DOCK3: variants seen among roughly 807,000 people sequenced by gnomAD.
DOCK3 encodes the protein dedicator of cytokinesis protein 3.
DOCK3 carries 60 observed loss-of-function variants against 265.6 expected under a neutral mutation model. That is an observed-to-expected ratio of 0.23 (90% CI 0.18 to 0.28). The LOEUF (loss-of-function observed/expected upper bound fraction) is 0.28, where lower values mean the gene tolerates loss of function less well. Ranked by LOEUF, DOCK3 falls within the 10% of genes least tolerant of loss-of-function variation. The pLI is 1.00. For missense variants in DOCK3, 1,981 were observed against 2,594.3 expected (o/e 0.76, Z 5.14); for synonymous variants, 881 against 938.0 (o/e 0.94, Z 1.11).
intron 5 of DOCK3, among the ~76,000 whole-genome samples, chr3:50,955,278 A>G (rs2076699305): frequency 1.3e-5 from 2 of 152,218 alleles, no homozygotes; most frequent in South Asian, 4.1e-4. Flanking sequence ...CAGTGTGGCA[A>G]TTCCTCGAAG....
At chr3:50,971,827 G>A (rs2077244800) in intron 5 of DOCK3, among the ~76,000 whole-genome samples, 1 of 152,186 alleles carries the variant, frequency 6.6e-6, no homozygotes, top group Non-Finnish European at 1.5e-5. Flanking sequence ...GAACCCCCAT[G>A]CTTACTCTCA....
chr3:51,040,614 T>C (rs1429129095), intron 5 of DOCK3, among the ~76,000 whole-genome samples: 1 of 152,194 alleles, frequency 6.6e-6, no homozygotes, highest in African/African-American at 2.4e-5. Flanking sequence ...GTTCCTTTCA[T>C]GAAAGATTTC....
chr3:50,748,163 T>A (rs2039571735), intron 1 of DOCK3, among the ~76,000 whole-genome samples: 1 of 152,176 alleles, frequency 6.6e-6, no homozygotes. Flanking sequence ...AAGTAGACAT[T>A]CTTTATTGTT....
At chr3:51,144,947 T>C (rs1282432352) in intron 9 of DOCK3, among the ~76,000 whole-genome samples, 1 of 152,166 alleles carries the variant, frequency 6.6e-6, no homozygotes, top group Non-Finnish European at 1.5e-5. Flanking sequence ...GTAGTAAATC[T>C]TCGGATAAAG....
intron 31 of DOCK3, among the ~76,000 whole-genome samples, chr3:51,314,270 AC>A (rs2083246524): frequency 6.6e-6 from 1 of 152,194 alleles, no homozygotes; most frequent in Admixed American, 6.5e-5. Context: ...TCACACACTT[AC>A]CATGGAAATG....
At chr3:50,792,263 T>C (rs892115727) in intron 2 of DOCK3, among the ~76,000 whole-genome samples, 42 of 152,118 alleles carry the variant, frequency 2.8e-4, no homozygotes, top group Admixed American at 2.7e-3. Flanking sequence ...AAGTTGGCTG[T>C]TGTTGGTGTA....
At chr3:50,761,262 C>T (rs545979242) in intron 1 of DOCK3, among the ~76,000 whole-genome samples, 15 of 152,164 alleles carry the variant, frequency 9.9e-5, no homozygotes, top group East Asian at 1.9e-4. Flanking sequence ...ACACATGGTA[C>T]GTCATTTTAT....
chr3:50,842,740 G>C (rs1421059736), intron 3 of DOCK3, among the ~76,000 whole-genome samples: 1 of 152,062 alleles, frequency 6.6e-6, no homozygotes, highest in African/African-American at 2.4e-5. Flanking sequence ...CTGCTTATAG[G>C]TAATTTTTCT....
Position 51,362,694 on chromosome 3 carries a change from A to C in DOCK3, c.5293+20A>C, listed in dbSNP as rs373854897. On this transcript the variant is annotated intron_variant, in intron 49 of 52. Coordinates refer to ENST00000266037, the MANE Select transcript of DOCK3 (RefSeq NM_004947.5). Reference sequence around the variant, plus strand: ...CCCGAGGTAAGGATGGCAGGGTGCTACTTGCAGAATGGAGAAGAGAGGTCT... The same window carrying C: ...CCCGAGGTAAGGATGGCAGGGTGCTCCTTGCAGAATGGAGAAGAGAGGTCT... The C allele has an allele frequency of 7.5e-6, 12 of 1,610,542 alleles. No homozygotes were observed. The highest frequency in any genetic ancestry group is 6.7e-5 in the Admixed American group (4 of 59,396).
At chr3:50,695,858 C>T (rs1198071709) in intron 1 of DOCK3, among the ~76,000 whole-genome samples, 1 of 152,200 alleles carries the variant, frequency 6.6e-6, no homozygotes, top group African/African-American at 2.4e-5. Flanking sequence ...AAGAATGATT[C>T]ACAAATTGGG....
At chr3:50,992,877 A>G (rs577501605) in intron 5 of DOCK3, among the ~76,000 whole-genome samples, 1 of 152,302 alleles carries the variant, frequency 6.6e-6, no homozygotes, top group South Asian at 2.1e-4. Context: ...TCCAAAATTG[A>G]ATCAGTAATA....
chr3:50,863,651 C>T (rs1050444262), intron 3 of DOCK3, among the ~76,000 whole-genome samples: 5 of 152,118 alleles, frequency 3.3e-5, no homozygotes, highest in Admixed American at 2.0e-4. Context: ...TCACCAGTAA[C>T]TTTGGTCTTC....
chr3:51,348,953 T>G lies in DOCK3; in HGVS notation c.4002+15T>G. On this transcript the variant is annotated intron_variant, in intron 39 of 52. Coordinates refer to ENST00000266037, the MANE Select transcript of DOCK3 (RefSeq NM_004947.5). ...GCTGGATTCGGGTGAGCTGTGCCCC[T>G]CCCCCCACCCCAGCCCTGACTGGCA... 2.4e-6 allele frequency: 2 copies of G among 835,202 alleles called. No individual in the cohort carries two copies. Among genetic ancestry groups the G allele is most frequent in the African/African-American group, 4.3e-5 (2 of 46,722 alleles). The allele number at this position is 835,202 out of a possible 1,614,324, so 51.7% of individuals were successfully genotyped here.
intron 2 of DOCK3, among the ~76,000 whole-genome samples, chr3:50,794,055 C>T (rs529560653): frequency 6.6e-6 from 1 of 152,174 alleles, no homozygotes; most frequent in Non-Finnish European, 1.5e-5. Context: ...AGTGAATTTC[C>T]TGGTGTTGAT....
chr3:51,280,136 C>T lies in DOCK3; in HGVS notation c.2854C>T (p.Leu952Phe). 1 of 1,613,864 alleles carries T rather than the reference C, an allele frequency of 6.2e-7. No homozygotes were observed. Among genetic ancestry groups the T allele is most frequent in the Non-Finnish European group, 8.5e-7 (1 of 1,179,864 alleles). The change falls in exon 27 of 53, where the codon CTC (leucine) becomes TTC (phenylalanine). Residue 952 changes from leucine (L) to phenylalanine (F), a missense_variant. By Grantham distance (22) the Leu-to-Phe change is conservative. Transcript: ENST00000266037. Reference sequence around the variant, plus strand: ...GTATGTGTCCTGCCTTCTCTCACTGCTCCGCCAGATGTGTGACACCCATTT... The same window carrying T: ...GTATGTGTCCTGCCTTCTCTCACTGTTCCGCCAGATGTGTGACACCCATTT... Reference protein sequence around the residue: ...GEYVSCLLSLLRQMCDTHFQH... With the variant: ...GEYVSCLLSLFRQMCDTHFQH...
chr3:51,248,597 C>G (rs2078957439), intron 22 of DOCK3, among the ~76,000 whole-genome samples: 1 of 152,162 alleles, frequency 6.6e-6, no homozygotes, highest in Admixed American at 6.5e-5. Context: ...GAGATTGCAG[C>G]CTCTGCCCGG....
At chr3:50,935,490 G>A (rs1242576869) in intron 5 of DOCK3, among the ~76,000 whole-genome samples, 5 of 152,154 alleles carry the variant, frequency 3.3e-5, no homozygotes, top group Non-Finnish European at 7.4e-5. Context: ...GGAATATGAA[G>A]TAAGGAGGAG....
chr3:51,336,772 C>T (rs2084904585), intron 35 of DOCK3: 1 of 424,864 alleles, frequency 2.4e-6, no homozygotes, highest in Non-Finnish European at 4.8e-6. Flanking sequence ...GAGGCCAGTT[C>T]CTTTCTGTTT....
At position 51,357,994 on chromosome 3, in the gene DOCK3, G is replaced by A. The variant is rs1402275721; in HGVS notation, c.4801G>A (p.Glu1601Lys). 1.2e-6 allele frequency: 2 copies of A among 1,613,900 alleles called. No individual in the cohort carries two copies. Among genetic ancestry groups the A allele is most frequent in the African/African-American group, 1.3e-5 (1 of 74,938 alleles). ...CCTTGGAGTTGGGCTAGCAGTTCAT[G>A]AGAAGTTTGTGCACCCAGAAATGCG... ...HVLGVGLAVHEKFVHPEMRPL... is the reference protein window; with the variant it reads ...HVLGVGLAVHKKFVHPEMRPL... Residue 1601 changes from glutamate to lysine, a missense_variant, in exon 46 of 53, where the codon GAG becomes AAG. Transcript: ENST00000266037.
Sources: allele counts gnomAD v4.1 joint callset (sites outside exome capture counted in the v4.1 genomes callset), GRCh38; gene constraint gnomAD v4.1.1; transcripts MANE v1.5; gene names NCBI Gene and HGNC (gene_info 2026-07-23, HGNC 2026-07-21).